FOXP4: variants seen among roughly 807,000 people sequenced by gnomAD.
The protein encoded by FOXP4 is forkhead box protein P4.
A neutral mutation model predicts 82.6 loss-of-function variants in FOXP4; 25 were observed. The observed-to-expected ratio is 0.30, with a 90% CI of 0.22 to 0.42. The LOEUF (loss-of-function observed/expected upper bound fraction) is 0.42, where lower values mean the gene tolerates loss of function less well. Among genes scored for constraint, FOXP4 ranks in the 10% least tolerant of loss-of-function variants. FOXP4 has a pLI of 1.00. For missense variants in FOXP4, 785 were observed against 900.9 expected (o/e 0.87, Z 1.65); for synonymous variants, 415 against 388.2 (o/e 1.07, Z -0.81).
Position 41,598,675 on chromosome 6 carries a change from G to C in FOXP4, c.1896-114G>C, listed in dbSNP as rs148384824. On this transcript the variant is annotated intron_variant, in intron 16 of 16. Coordinates refer to ENST00000307972, the MANE Select transcript of FOXP4 (RefSeq NM_001012426.2). ...CCCTCAGGTCTGATGGGATCCTGGG[G>C]AGGGGGCTGTGGGCACCCCACTGTG... 3.1e-3 allele frequency: 4,553 copies of C among 1,450,766 alleles called. 127 individuals carry two copies. The African/African-American group carries it at 0.056, about 18-fold the overall frequency. The allele number at this position is 1,450,766 out of a possible 1,614,324, so 89.9% of individuals were successfully genotyped here. A position where few individuals can be genotyped will look rare whatever the true frequency, so the allele number is the denominator to read the frequency against.
chr6:41,564,160 A>C (rs910061029), intron 1 of FOXP4, among the ~76,000 whole-genome samples: 1 of 152,170 alleles, frequency 6.6e-6, no homozygotes, highest in Admixed American at 6.5e-5. Flanking sequence ...CATACTAAAG[A>C]TATTGGAACC....
chr6:41,555,950 C>A (rs946866142), intron 1 of FOXP4, among the ~76,000 whole-genome samples: 2 of 151,876 alleles, frequency 1.3e-5, no homozygotes, highest in African/African-American at 2.4e-5. Flanking sequence ...CTTTTTTTCC[C>A]CCTGTATTGT....
Position 41,551,974 on chromosome 6 carries a change from G to A in FOXP4, c.-17+5107G>A, listed in dbSNP as rs114189821. 9.6e-3 allele frequency among the ~76,000 whole-genome samples: 1,465 copies of A among 152,276 alleles called. 27 individuals are homozygous for A. The highest frequency in any genetic ancestry group is 0.012 in the Non-Finnish European group (794 of 68,020). On this transcript the variant is annotated intron_variant, in intron 1 of 16. Transcript: ENST00000307972. ...CCGGAGCACAGATCTGTGGGCACTG[G>A]CCACCTGAGCCAGCGTGGGTCCTGA...
At chr6:41,574,808 C>T (rs1464401249) in intron 2 of FOXP4, among the ~76,000 whole-genome samples, 1 of 152,172 alleles carries the variant, frequency 6.6e-6, no homozygotes, top group African/African-American at 2.4e-5. Context: ...CGTGTTAACT[C>T]GCCCTTCAGA....
At chr6:41,579,999 A>G (rs1375319128) in intron 3 of FOXP4, among the ~76,000 whole-genome samples, 1 of 152,138 alleles carries the variant, frequency 6.6e-6, no homozygotes, top group East Asian at 1.9e-4. Context: ...TACAACAAAT[A>G]AAAGACAGAG....
intron 9 of FOXP4, 146 bp downstream of exon 9, chr6:41,588,877 T>A: frequency 1.1e-6 from 1 of 890,994 alleles, no homozygotes; most frequent in Non-Finnish European, 1.7e-6. Flanking sequence ...TTCTAGGTCC[T>A]AATGACCATG....
chr6:41,594,921 A>G lies in FOXP4; in HGVS notation c.1588A>G (p.Asn530Asp). Residue 530 changes from asparagine (N) to aspartate (D), a missense_variant, in exon 14 of 17, where the codon AAC becomes GAC. Asn to Asp is a conservative substitution (Grantham distance 23). Around this residue, in one of 3 missense-constraint regions of FOXP4, gnomAD observed 31 missense variants for 79.6 expected, o/e 0.39. Coordinates refer to ENST00000307972, the MANE Select transcript of FOXP4 (RefSeq NM_001012426.2). Reference protein sequence around the residue: ...SLHKCFVRVENVKGAVWTVDE... With the variant: ...SLHKCFVRVEDVKGAVWTVDE... ...GCACAAGTGCTTCGTCCGCGTGGAG[A>G]ACGTCAAGGGTGCCGTGTGGACTGT... 6.2e-7 allele frequency: 1 copy of G among 1,614,148 alleles called. No homozygotes were observed. The highest frequency in any genetic ancestry group is 8.5e-7 in the Non-Finnish European group (1 of 1,180,034).
At chr6:41,568,105 A>G (rs1764984581) in intron 2 of FOXP4, among the ~76,000 whole-genome samples, 2 of 152,202 alleles carry the variant, frequency 1.3e-5, no homozygotes, top group Non-Finnish European at 2.9e-5. Context: ...GGGGAGCTTC[A>G]AGGGTAACAT....
chr6:41,580,806 G>C (rs1356496503), intron 3 of FOXP4, among the ~76,000 whole-genome samples: 1 of 152,180 alleles, frequency 6.6e-6, no homozygotes, highest in Admixed American at 6.5e-5. Flanking sequence ...ATCAAGCGCA[G>C]CTCCTTTCCC....
At chr6:41,576,524 T>A (rs1765497076) in intron 2 of FOXP4, among the ~76,000 whole-genome samples, 1 of 151,716 alleles carries the variant, frequency 6.6e-6, no homozygotes, top group Non-Finnish European at 1.5e-5. Flanking sequence ...AAAAAACAAG[T>A]GTATGTGTGG....
intron 14 of FOXP4, 52 bp from the exon 15 acceptor site, chr6:41,597,124 A>G: frequency 6.3e-7 from 1 of 1,580,432 alleles, no homozygotes; most frequent in Non-Finnish European, 8.7e-7. Context: ...AGAGATGCGA[A>G]TGAAGAGCTA....
At chr6:41,565,291 C>T (rs1367036928) in intron 1 of FOXP4, among the ~76,000 whole-genome samples, 1 of 152,066 alleles carries the variant, frequency 6.6e-6, no homozygotes, top group Non-Finnish European at 1.5e-5. Flanking sequence ...ACTCGGGAGG[C>T]GGAGGCTGCA....
chr6:41,565,215 C>T (rs572541398), intron 1 of FOXP4, among the ~76,000 whole-genome samples: 18 of 152,058 alleles, frequency 1.2e-4, no homozygotes, highest in Non-Finnish European at 2.2e-4. Context: ...AAAAATTTAG[C>T]TGGTCGTGGT....
At chr6:41,556,154 G>A (rs1473414803) in intron 1 of FOXP4, among the ~76,000 whole-genome samples, 1 of 151,978 alleles carries the variant, frequency 6.6e-6, no homozygotes, top group Non-Finnish European at 1.5e-5. Flanking sequence ...TTAGGAGTCA[G>A]GAGAGCCACC....
At chr6:41,572,738 C>T (rs772225589) in intron 2 of FOXP4, among the ~76,000 whole-genome samples, 5 of 152,176 alleles carry the variant, frequency 3.3e-5, no homozygotes, top group Non-Finnish European at 7.3e-5. Context: ...GGCTGCCCCT[C>T]ACCACAATCC....
intron 3 of FOXP4, among the ~76,000 whole-genome samples, chr6:41,582,884 C>G (rs1765880767): frequency 6.6e-6 from 1 of 152,158 alleles, no homozygotes; most frequent in Non-Finnish European, 1.5e-5. Flanking sequence ...CAAGACCTGC[C>G]CTGCGGTGGG....
chr6:41,596,449 G>A (rs776236837), intron 14 of FOXP4, among the ~76,000 whole-genome samples: 9 of 152,214 alleles, frequency 5.9e-5, no homozygotes, highest in Non-Finnish European at 8.8e-5. Flanking sequence ...TGCACCCCAG[G>A]CAGTGTGCAG....
intron 3 of FOXP4, among the ~76,000 whole-genome samples, chr6:41,580,987 C>G (rs1224074552): frequency 6.6e-6 from 1 of 152,212 alleles, no homozygotes; most frequent in African/African-American, 2.4e-5. Flanking sequence ...AGGCCTGGAC[C>G]CCACCAGGGA....
At chr6:41,576,756 A>G (rs1886816) in intron 2 of FOXP4, among the ~76,000 whole-genome samples, 53,587 of 151,930 alleles carry the variant, frequency 0.35, 10,110 homozygotes, top group African/African-American at 0.49. Context: ...AGTTTTGCAG[A>G]TAAGGAGACT....
Sources: gnomAD v4.1 joint callset for allele counts (sites outside exome capture counted in the v4.1 genomes callset) on GRCh38, gnomAD v4.1.1 for gene constraint, gnomAD v4.1.1 regional missense constraint, MANE v1.5 for transcripts, NCBI Gene and HGNC (gene_info 2026-07-23, HGNC 2026-07-21) for gene names.